The following OTOGL variants were observed in gnomAD, a reference collection of about 807,000 sequenced individuals.
The protein encoded by OTOGL is otogelin-like protein.
Under a neutral mutation model 318.5 loss-of-function variants are expected in OTOGL, and 285 were observed. That is an observed-to-expected ratio of 0.89 (90% CI 0.81 to 0.99). The LOEUF (loss-of-function observed/expected upper bound fraction) is 0.99, where lower values mean the gene tolerates loss of function less well. Ranked by LOEUF, OTOGL falls within the 50% of genes least tolerant of loss-of-function variation. The probability of loss-of-function intolerance (pLI) is 0.00; values close to 1 mark genes in which losing one functional copy is unlikely to be tolerated. For synonymous variants in OTOGL, 987 were observed against 936.5 expected (o/e 1.05, Z -0.99); for missense variants, 2,899 against 2,845.6 (o/e 1.02, Z -0.43).
chr12:80,244,298 C>A (rs1184306901), intron 11 of OTOGL, among the ~76,000 whole-genome samples: 1 of 147,070 alleles, frequency 6.8e-6, no homozygotes, highest in Admixed American at 6.8e-5. Context: ...TTAGGTATAT[C>A]TCCCAATGCT....
At chr12:80,374,734 G>A (rs1445925281) in intron 57 of OTOGL, among the ~76,000 whole-genome samples, 4 of 151,970 alleles carry the variant, frequency 2.6e-5, no homozygotes, top group Non-Finnish European at 4.4e-5. Flanking sequence ...TTAAGGCCCT[G>A]GCTTCTATAT....
At chr12:80,204,994 A>G (rs777958008) in intron 1 of OTOGL, among the ~76,000 whole-genome samples, 4 of 152,208 alleles carry the variant, frequency 2.6e-5, no homozygotes, top group Non-Finnish European at 4.4e-5. Context: ...TACAAAATCC[A>G]TGAAGTCATC....
At chr12:80,368,417 A>G in intron 55 of OTOGL, 108 bp downstream of exon 55, 2 of 635,110 alleles carry the variant, frequency 3.1e-6, no homozygotes, top group Admixed American at 5.2e-5. Context: ...CATACAATAA[A>G]CACAGTACAC....
intron 3 of OTOGL, among the ~76,000 whole-genome samples, chr12:80,211,506 T>C (rs1208344004): frequency 6.6e-6 from 1 of 152,114 alleles, no homozygotes; most frequent in Non-Finnish European, 1.5e-5. Context: ...CAATTTGATG[T>C]TTTTACTTAC....
At position 80,380,166 on chromosome 12, in the gene OTOGL, A is replaced by C. The variant is rs1316902322; in HGVS notation, c.*2118A>C. ...CAGAGATTTAAATGTTAAAAAACAA[A>C]AGAAGATAGGAGTTACAAAAGAAAA... On this transcript the variant is annotated 3_prime_UTR_variant, in exon 59 of 59. Coordinates refer to ENST00000547103, the MANE Select transcript of OTOGL (RefSeq NM_001378609.3). 2 of 152,068 alleles carry C rather than the reference A, an allele frequency of 1.3e-5. No homozygotes were observed. The highest frequency in any genetic ancestry group is 6.6e-5 in the Admixed American group (1 of 15,240). 9.4% of individuals were successfully genotyped at this position (152,068 alleles called of 1,614,324 possible).
At chr12:80,290,050 G>A (rs1328445242) in intron 26 of OTOGL, among the ~76,000 whole-genome samples, 1 of 152,156 alleles carries the variant, frequency 6.6e-6, no homozygotes, top group Non-Finnish European at 1.5e-5. Context: ...GGAATCTCCT[G>A]GTTTGTGGGT....
chr12:80,170,699 G>T (rs577085266), intron 1 of OTOGL, among the ~76,000 whole-genome samples: 7 of 152,046 alleles, frequency 4.6e-5, no homozygotes, highest in African/African-American at 1.7e-4. Flanking sequence ...CTCCCAAAGC[G>T]CAGGGATTAC....
chr12:80,310,859 G>T (rs1012486993), intron 30 of OTOGL, 132 bp downstream of exon 30: 5 of 629,932 alleles, frequency 7.9e-6, no homozygotes, highest in Non-Finnish European at 1.3e-5. Context: ...TGTTAGGGGG[G>T]CATATGTGTT....
chr12:80,234,669 A>G lies in OTOGL; in HGVS notation c.817+1572A>G, dbSNP rs565242641. ...TATAGTCATCTCCAAGTATTTCTCC[A>G]TAAGCCTATAATGGGGCTGAAATAA... On this transcript the variant is annotated intron_variant, in intron 9 of 58. Transcript: ENST00000547103. 1.7e-3 allele frequency among the ~76,000 whole-genome samples: 263 copies of G among 152,316 alleles called. 1 individual carries two copies. Among genetic ancestry groups the G allele is most frequent in the African/African-American group, 6.2e-3 (256 of 41,568 alleles).
intron 1 of OTOGL, among the ~76,000 whole-genome samples, chr12:80,145,371 T>C (rs553549217): frequency 6.6e-6 from 1 of 152,242 alleles, no homozygotes; most frequent in Non-Finnish European, 1.5e-5. Flanking sequence ...TAGTTGTAGA[T>C]ATGCGGCGTT....
At chr12:80,251,660 A>T (rs1448372117) in intron 11 of OTOGL, 33 bp from the exon 12 acceptor site, 2 of 1,498,068 alleles carry the variant, frequency 1.3e-6, no homozygotes, top group East Asian at 2.4e-5. Context: ...AATATTTCCT[A>T]TGTGATTCTG....
At chr12:80,189,588 G>A in intron 1 of OTOGL, 1 of 580,136 alleles carries the variant, frequency 1.7e-6, no homozygotes, top group Non-Finnish European at 2.2e-6. Context: ...GACCAAAAGA[G>A]ATAGATTGCA....
At chr12:80,157,198 G>T (rs1028869952) in intron 1 of OTOGL, among the ~76,000 whole-genome samples, 2 of 152,008 alleles carry the variant, frequency 1.3e-5, no homozygotes, top group Non-Finnish European at 1.5e-5. Context: ...CAATGATATT[G>T]AACACCTTTT....
At chr12:80,233,618 C>T (rs1290156516) in intron 9 of OTOGL, among the ~76,000 whole-genome samples, 1 of 152,118 alleles carries the variant, frequency 6.6e-6, no homozygotes, top group East Asian at 1.9e-4. Flanking sequence ...ATATACCTAC[C>T]AGATCATGTA....
intron 46 of OTOGL, among the ~76,000 whole-genome samples, chr12:80,355,138 A>G (rs547116608): frequency 6.6e-6 from 1 of 152,066 alleles, no homozygotes; most frequent in Non-Finnish European, 1.5e-5. Flanking sequence ...AGATCATTTC[A>G]TTTATAGAAG....
chr12:80,341,626 A>T (rs1888773294), intron 43 of OTOGL, among the ~76,000 whole-genome samples: 1 of 152,168 alleles, frequency 6.6e-6, no homozygotes, highest in African/African-American at 2.4e-5. Flanking sequence ...ACTAAGTTAG[A>T]AGATGGTGGT....
intron 1 of OTOGL, among the ~76,000 whole-genome samples, chr12:80,141,941 G>T (rs1474679015): frequency 6.6e-6 from 1 of 151,938 alleles, no homozygotes; most frequent in African/African-American, 2.4e-5. Context: ...AGAATGAAAT[G>T]AGAAAGAAAC....
At chr12:80,129,462 G>A (rs927668663) in intron 1 of OTOGL, among the ~76,000 whole-genome samples, 8 of 152,134 alleles carry the variant, frequency 5.3e-5, no homozygotes, top group Middle Eastern at 3.2e-3. Context: ...GAAGGAAATT[G>A]TCCCAGTCTC....
chr12:80,328,585 C>A, intron 35 of OTOGL, 80 bp from the exon 36 acceptor site: 2 of 1,041,746 alleles, frequency 1.9e-6, no homozygotes, highest in South Asian at 1.4e-5. Context: ...ATATCTTAGT[C>A]GCATATGTTA....
Sources: allele counts gnomAD v4.1 joint callset (sites outside exome capture counted in the v4.1 genomes callset), GRCh38; gene constraint gnomAD v4.1.1; transcripts MANE v1.5; gene names NCBI Gene and HGNC (gene_info 2026-07-23, HGNC 2026-07-21).